Variants in LRP2 observed in about 807,000 individuals in gnomAD.
LRP2 encodes LDL receptor related protein 2.
Under a neutral mutation model 531.0 loss-of-function variants are expected in LRP2, and 172 were observed. That is an observed-to-expected ratio of 0.32 (90% CI 0.29 to 0.37). LRP2 has a LOEUF of 0.37. Ranked by LOEUF, LRP2 falls within the 10% of genes least tolerant of loss-of-function variation. The pLI, the probability that LRP2 is intolerant of heterozygous loss-of-function variation, is 1.00. For missense variants in LRP2, 5,167 were observed against 5,868.3 expected (o/e 0.88, Z 3.90); for synonymous variants, 1,992 against 2,027.6 (o/e 0.98, Z 0.47).
intron 44 of LRP2, among the ~76,000 whole-genome samples, chr2:169,199,534 G>A (rs375810773): frequency 3.5e-4 from 53 of 152,246 alleles, no homozygotes; most frequent in African/African-American, 1.2e-3. Context: ...TTCTATAAAT[G>A]CACCTCGTCA....
At chr2:169,154,356 GCAA>G in intron 66 of LRP2, 101 bp downstream of exon 66, 1 of 1,091,576 alleles carries the variant, frequency 9.2e-7, no homozygotes, top group Non-Finnish European at 1.4e-6. Context: ...CTCCACTAAT[GCAA>G]CAAAATTCAC....
chr2:169,147,217 CATTATGAAAGCTGT>C (rs200925020), intron 68 of LRP2, among the ~76,000 whole-genome samples: 3,016 of 152,294 alleles, frequency 0.02, 331 homozygotes, highest in Admixed American at 0.18. Context: ...CTTTAAAATG[CATTATGAAAGCTGT>C]ATTATGAAAG....
intron 9 of LRP2, among the ~76,000 whole-genome samples, chr2:169,284,265 T>C (rs1195771973): frequency 2.4e-5 from 3 of 126,152 alleles, no homozygotes; most frequent in Non-Finnish European, 3.4e-5. Context: ...TCTTTTTTTT[T>C]TTTTTTTTTT....
At chr2:169,246,656 C>G in intron 21 of LRP2, 49 bp downstream of exon 21, 1 of 1,601,862 alleles carries the variant, frequency 6.2e-7, no homozygotes, top group East Asian at 2.2e-5. Context: ...TTAAAGCCCA[C>G]CTCTACTCTA....
Position 169,159,386 on chromosome 2 carries a change from A to C in LRP2, c.11888-1884T>G, listed in dbSNP as rs1686488787. On this transcript the variant is annotated intron_variant, in intron 63 of 78. Transcript: ENST00000649046. ...TCACTATATGTGGTCTGAGTACATT[A>C]AGAACACTGGGTTTCAAAAAGAAAA... 2.6e-5 allele frequency among the ~76,000 whole-genome samples: 4 copies of C among 152,190 alleles called. No homozygotes were observed. In the South Asian group the frequency reaches 8.3e-4, roughly 31 times the overall value.
At chr2:169,287,840 AATTTTAAT>A (rs1272560288) in intron 9 of LRP2, among the ~76,000 whole-genome samples, 3 of 90,942 alleles carry the variant, frequency 3.3e-5, no homozygotes, top group Admixed American at 1.1e-4. Context: ...AAAATATTAA[AATTTTAAT>A]ATTTTAATAT....
chr2:169,129,222 C>A (rs1685199201), intron 77 of LRP2, 138 bp from the exon 78 acceptor site: 2 of 703,278 alleles, frequency 2.8e-6, no homozygotes, highest in Non-Finnish European at 5.1e-6. Flanking sequence ...TGATTCAGCC[C>A]ATATGGTAAA....
At chr2:169,240,049 C>T (rs552917387) in intron 25 of LRP2, among the ~76,000 whole-genome samples, 2 of 152,244 alleles carry the variant, frequency 1.3e-5, no homozygotes, top group African/African-American at 4.8e-5. Context: ...CAATGAGAAC[C>T]CTTGGGAAAA....
At position 169,289,127 on chromosome 2, in the gene LRP2, G is replaced by A. The variant is rs1368127186; in HGVS notation, c.941C>T (p.Ala314Val). 1 of 1,614,124 alleles carries A rather than the reference G, an allele frequency of 6.2e-7. No individual in the cohort carries two copies. The highest frequency in any genetic ancestry group is 8.5e-7 in the Non-Finnish European group (1 of 1,179,968). ...ATGGCACTGGTACTGGCAGTTCAAG[G>A]CAGAGCACAGAGTCATACCTAAACG... ...GKYCSMTLCSALNCQYQCHET... is the reference protein window; with the variant it reads ...GKYCSMTLCSVLNCQYQCHET... The change falls in exon 9 of 79, where the codon GCC becomes GTC. Residue 314 changes from alanine (A) to valine (V), a missense_variant. This residue lies in a region of LRP2 where 2,811 missense variants were observed against 3,058.0 expected (regional missense o/e 0.92). Transcript: ENST00000649046.
rs1241470331 is a variant in LRP2 at position 169,318,835 on chromosome 2, T to C, written c.237A>G (p.Gln79=). Residue 79 remains glutamine (Q), a synonymous_variant, in exon 3 of 79, where the codon CAA becomes CAG. Transcript: ENST00000649046. ...CACACACCCAGGAGTTGGGGATGCA[T>C]TGTCCCTCACTCTGGCACTTGAAAT... ...QGYFKCQSEG[Q]CIPNSWVCDQ... The C allele has an allele frequency of 1.2e-6, 2 of 1,614,046 alleles. No homozygotes were observed. The highest frequency in any genetic ancestry group is 1.7e-6 in the Non-Finnish European group (2 of 1,180,006).
In LRP2 at chr2:169,146,640, A is replaced by G. The variant is rs566911909; in HGVS notation, c.12811+99T>C. On this transcript the variant is annotated intron_variant, in intron 69 of 78. Transcript: ENST00000649046. ...TGGTATCTAAAAAACTATATAAGCCATTTCCTAAGAGCAGGGCTCCTTCTT... is the reference window on the plus strand; with the variant it reads ...TGGTATCTAAAAAACTATATAAGCCGTTTCCTAAGAGCAGGGCTCCTTCTT... 3.7e-5 allele frequency: 38 copies of G among 1,024,930 alleles called. No individual in the cohort carries two copies. In the African/African-American group the frequency reaches 5.1e-4, roughly 14 times the overall value. 63.5% of individuals were successfully genotyped at this position (1,024,930 alleles called of 1,614,324 possible). A position where few individuals can be genotyped will look rare whatever the true frequency, so the allele number is the denominator to read the frequency against.
intron 71 of LRP2, among the ~76,000 whole-genome samples, chr2:169,142,417 C>G (rs1558975141): frequency 6.6e-6 from 1 of 152,184 alleles, no homozygotes; most frequent in African/African-American, 2.4e-5. Flanking sequence ...TACAAAACAA[C>G]ACAGCAATAG....
At chr2:169,153,438 C>T (rs1686216560) in intron 66 of LRP2, among the ~76,000 whole-genome samples, 1 of 152,174 alleles carries the variant, frequency 6.6e-6, no homozygotes, top group African/African-American at 2.4e-5. Flanking sequence ...AAGACTGTGA[C>T]TGTAGAGGGA....
chr2:169,127,441 G>C lies in LRP2; in HGVS notation c.*1222C>G, dbSNP rs886055070. ...AAGCCAGGCACAGTGGCTCACGCCCGTAACCCCAACCACTCAGGAGGCTGA... is the reference window on the plus strand; with the variant it reads ...AAGCCAGGCACAGTGGCTCACGCCCCTAACCCCAACCACTCAGGAGGCTGA... On this transcript the variant is annotated 3_prime_UTR_variant, in exon 79 of 79. Transcript: ENST00000649046. The C allele has an allele frequency of 6.9e-6, 1 of 144,714 alleles. No individual in the cohort carries two copies. The highest frequency in any genetic ancestry group is 2.6e-5 in the African/African-American group (1 of 38,810). The allele number at this position is 144,714 out of a possible 1,614,324, so 9.0% of individuals were successfully genotyped here.
At chr2:169,330,243 A>G (rs905903286) in intron 1 of LRP2, among the ~76,000 whole-genome samples, 2 of 152,226 alleles carry the variant, frequency 1.3e-5, no homozygotes, top group Admixed American at 6.5e-5. Context: ...CTGAGTATCC[A>G]GGCCACAGAA....
Position 169,238,121 on chromosome 2 carries a change from A to G in LRP2, c.4476T>C (p.Ser1492=). Residue 1492 remains serine (S), a synonymous_variant, in exon 27 of 79, where the codon AGT becomes AGC. Coordinates refer to ENST00000649046, the MANE Select transcript of LRP2 (RefSeq NM_004525.3). Reference sequence around the variant, plus strand: ...TTCTGTCCGTTCCATTTTGAAACGCACTCCAGGTTTTACCCTGAGTTGCAT... The same window carrying G: ...TTCTGTCCGTTCCATTTTGAAACGCGCTCCAGGTTTTACCCTGAGTTGCAT... ...WSDATQGKTW[S]AFQNGTDRRV... 6 of 1,614,106 alleles carry G rather than the reference A, an allele frequency of 3.7e-6. No homozygotes were observed. The highest frequency in any genetic ancestry group is 5.1e-6 in the Non-Finnish European group (6 of 1,179,996).
chr2:169,146,774 T>C lies in LRP2; in HGVS notation c.12776A>G (p.Tyr4259Cys). ...FKEDVIETIK[Y>C]DGTDRRVIAK... ...AATGACTCTCCTATCAGTCCCATCATATTTTATGGTTTCAATAACGTCCTC... is the reference window on the plus strand; with the variant it reads ...AATGACTCTCCTATCAGTCCCATCACATTTTATGGTTTCAATAACGTCCTC... Residue 4259 changes from tyrosine to cysteine, a missense_variant, in exon 69 of 79, where the codon TAT becomes TGT. Around this residue, in one of 6 missense-constraint regions of LRP2, gnomAD observed 564 missense variants for 747.7 expected, o/e 0.75. Coordinates refer to ENST00000649046, the MANE Select transcript of LRP2 (RefSeq NM_004525.3). 1 of 1,614,114 alleles carries C rather than the reference T, an allele frequency of 6.2e-7. No individual in the cohort carries two copies. The highest frequency in any genetic ancestry group is 8.5e-7 in the Non-Finnish European group (1 of 1,179,926).
chr2:169,328,768 C>T (rs1559078621), intron 1 of LRP2, among the ~76,000 whole-genome samples: 1 of 152,140 alleles, frequency 6.6e-6, no homozygotes. Context: ...TAGAAAATGT[C>T]GAAGTCTGAT....
intron 72 of LRP2, among the ~76,000 whole-genome samples, chr2:169,139,995 G>A (rs112021349): frequency 2.0e-5 from 3 of 152,212 alleles, no homozygotes; most frequent in African/African-American, 7.2e-5. Context: ...TAGAGTTTTC[G>A]CAACACAGTC....
Sources: gnomAD v4.1 joint callset for allele counts (sites outside exome capture counted in the v4.1 genomes callset) on GRCh38, gnomAD v4.1.1 for gene constraint, gnomAD v4.1.1 regional missense constraint, MANE v1.5 for transcripts, NCBI Gene and HGNC (gene_info 2026-07-23, HGNC 2026-07-21) for gene names.